CCDC102B: variants seen among roughly 807,000 people sequenced by gnomAD.
CCDC102B encodes coiled-coil domain containing 102B.
Under a neutral mutation model 57.4 loss-of-function variants are expected in CCDC102B, and 75 were observed. That is an observed-to-expected ratio of 1.31 (90% CI 1.08 to 1.58). CCDC102B has a LOEUF of 1.58. Ranked by LOEUF, CCDC102B falls within the 40% of genes most tolerant of loss-of-function variation. The pLI is 0.00. For synonymous variants in CCDC102B, 206 were observed against 201.9 expected, an observed-to-expected ratio of 1.02 and a Z score of -0.17; for missense variants, 636 against 582.6, an observed-to-expected ratio of 1.09 and a Z score of -0.94.
Position 68,917,019 on chromosome 18 carries a change from T to C in CCDC102B, c.1263+19591T>C, listed in dbSNP as rs531786115. ...AGTAGGAAGCAAGGGGATGACACAA[T>C]CAGACAGGGATTTTGAAATAACGAT... On this transcript the variant is annotated intron_variant, in intron 6 of 7. Transcript: ENST00000360242. 3.3e-5 allele frequency among the ~76,000 whole-genome samples: 5 copies of C among 152,224 alleles called. No individual in the cohort carries two copies. In the East Asian group the frequency reaches 5.8e-4, roughly 18 times the overall value.
intron 6 of CCDC102B, among the ~76,000 whole-genome samples, chr18:68,953,319 AG>A (rs2049751743): frequency 6.7e-6 from 1 of 149,208 alleles, no homozygotes; most frequent in Non-Finnish European, 1.5e-5. Context: ...AAATATACAA[AG>A]GTTCCAAGTT....
At chr18:68,722,184 G>A (rs924131724) in intron 2 of CCDC102B, among the ~76,000 whole-genome samples, 4 of 152,256 alleles carry the variant, frequency 2.6e-5, no homozygotes, top group African/African-American at 7.2e-5. Context: ...CACTCATCCC[G>A]CATCCTTTTT....
At chr18:69,027,678 TA>T (rs1304657299) in intron 7 of CCDC102B, among the ~76,000 whole-genome samples, 1 of 138,888 alleles carries the variant, frequency 7.2e-6, no homozygotes, top group Non-Finnish European at 1.6e-5. Context: ...TTTTTTTTTT[TA>T]AAGTTTCAGG....
At chr18:68,829,283 A>C (rs534940687) in intron 1 of CCDC102B, among the ~76,000 whole-genome samples, 2 of 152,130 alleles carry the variant, frequency 1.3e-5, no homozygotes, top group Admixed American at 6.6e-5. Flanking sequence ...TTTAGTAAGA[A>C]CTGGGGTGAC....
intron 2 of CCDC102B, among the ~76,000 whole-genome samples, chr18:68,762,124 G>A (rs933671652): frequency 1.3e-4 from 20 of 152,038 alleles, no homozygotes; most frequent in Admixed American, 2.6e-4. Flanking sequence ...ACCATGGTTT[G>A]AAAATATTAA....
chr18:68,728,235 T>A (rs1277387902), intron 2 of CCDC102B, among the ~76,000 whole-genome samples: 1 of 152,214 alleles, frequency 6.6e-6, no homozygotes, highest in South Asian at 2.1e-4. Flanking sequence ...GAGGCAACAT[T>A]TGAAGTCATT....
chr18:68,949,744 A>G (rs1031793074), intron 6 of CCDC102B, among the ~76,000 whole-genome samples: 9 of 152,122 alleles, frequency 5.9e-5, no homozygotes, highest in African/African-American at 2.2e-4. Flanking sequence ...GTCTTTCGCT[A>G]CTCTGTATTT....
chr18:68,940,243 C>T (rs1374269503), intron 6 of CCDC102B, among the ~76,000 whole-genome samples: 2 of 151,812 alleles, frequency 1.3e-5, no homozygotes, highest in Non-Finnish European at 3.0e-5. Context: ...TGAATATTTA[C>T]TTGGCATATG....
upstream of CCDC102B, among the ~76,000 whole-genome samples, chr18:68,796,370 C>T (rs145543508): frequency 8.0e-3 from 1,223 of 152,204 alleles, 11 homozygotes; most frequent in Non-Finnish European, 9.5e-3. Flanking sequence ...ACATAGATAA[C>T]ACAGCAGGTC....
chr18:68,948,546 C>T (rs2049603310), intron 6 of CCDC102B, among the ~76,000 whole-genome samples: 1 of 152,034 alleles, frequency 6.6e-6, no homozygotes. Flanking sequence ...TTCATGATCA[C>T]CAAATCACTA....
At chr18:68,866,758 C>G (rs1462823502) in intron 4 of CCDC102B, 12 of 637,594 alleles carry the variant, frequency 1.9e-5, no homozygotes, top group African/African-American at 3.6e-5. Context: ...TTTGAGTGCA[C>G]GGGTCTGTCT....
intron 5 of CCDC102B, among the ~76,000 whole-genome samples, chr18:68,887,795 T>C (rs1210582864): frequency 6.6e-6 from 1 of 152,236 alleles, no homozygotes; most frequent in Non-Finnish European, 1.5e-5. Context: ...TACATATTTA[T>C]AGTGTACAGT....
At chr18:68,787,210 T>A (rs2035247339) in intron 2 of CCDC102B, among the ~76,000 whole-genome samples, 1 of 150,856 alleles carries the variant, frequency 6.6e-6, no homozygotes, top group Non-Finnish European at 1.5e-5. Context: ...CTTTTTGATG[T>A]GCTGCTGGAT....
intron 6 of CCDC102B, among the ~76,000 whole-genome samples, chr18:68,990,609 G>A (rs1240137147): frequency 1.3e-5 from 2 of 152,078 alleles, no homozygotes; most frequent in South Asian, 2.1e-4. Context: ...TGTGCATTGT[G>A]ACTTTTTATT....
At position 68,787,070 on chromosome 18, in the gene CCDC102B, C is replaced by T. The variant is rs1277363181; in HGVS notation, c.-66-36296C>T. On this transcript the variant is annotated intron_variant, in intron 2 of 3. Coordinates refer to the CCDC102B transcript ENST00000578970. ...TGAATTTTGTCAAAGGCCTTTTCTG[C>T]ATCTATTGAGATAATCATGTGGTTT... Among the ~76,000 whole-genome samples, 3 of 149,074 alleles carry T rather than the reference C, an allele frequency of 2.0e-5. No individual in the cohort carries two copies. In the East Asian group the frequency reaches 5.9e-4, roughly 29 times the overall value.
intron 6 of CCDC102B, among the ~76,000 whole-genome samples, chr18:68,999,836 T>C (rs747825380): frequency 3.7e-4 from 56 of 152,200 alleles, no homozygotes; most frequent in Non-Finnish European, 6.3e-4. Flanking sequence ...GTGACACTTT[T>C]GTTCATTTTT....
chr18:68,898,359 G>A (rs2040315594), intron 6 of CCDC102B, among the ~76,000 whole-genome samples: 1 of 152,012 alleles, frequency 6.6e-6, no homozygotes. Context: ...CATGAATCTA[G>A]GGATTTATTG....
intron 7 of CCDC102B, among the ~76,000 whole-genome samples, chr18:69,033,674 T>C (rs939607870): frequency 6.6e-6 from 1 of 152,096 alleles, no homozygotes. Flanking sequence ...GTTGTTTACA[T>C]CTTTTGGCAT....
intron 2 of CCDC102B, among the ~76,000 whole-genome samples, chr18:68,736,961 C>T (rs751806752): frequency 9.9e-5 from 15 of 151,754 alleles, no homozygotes; most frequent in African/African-American, 2.4e-4. Context: ...GTGTGTGTGG[C>T]GAGTGACGAT....
Sources: allele counts gnomAD v4.1 joint callset (sites outside exome capture counted in the v4.1 genomes callset), GRCh38; gene constraint gnomAD v4.1.1; transcripts MANE v1.5; gene names NCBI Gene and HGNC (gene_info 2026-07-23, HGNC 2026-07-21).